Variants in CFAP54 observed in about 807,000 individuals in gnomAD.
CFAP54 encodes the protein cilia and flagella associated protein 54, also known as cilia- and flagella-associated protein 54.
Under a neutral mutation model 370.4 loss-of-function variants are expected in CFAP54, and 290 were observed. That is an observed-to-expected ratio of 0.78 (90% CI 0.71 to 0.86). The LOEUF (loss-of-function observed/expected upper bound fraction) is 0.86. Among genes scored for constraint, CFAP54 ranks in the 40% least tolerant of loss-of-function variants. The pLI is 0.00. For missense variants in CFAP54, 3,399 were observed against 3,528.7 expected (o/e 0.96, Z 0.93); for synonymous variants, 1,206 against 1,236.5 (o/e 0.98, Z 0.52).
At chr12:96,841,097 G>A (rs188882341) in intron 66 of CFAP54, among the ~76,000 whole-genome samples, 1 of 152,276 alleles carries the variant, frequency 6.6e-6, no homozygotes, top group Admixed American at 6.5e-5. Flanking sequence ...TTCCACTTTT[G>A]TTAGATGTGC....
chr12:96,597,871 G>T (rs1565908369), intron 25 of CFAP54, among the ~76,000 whole-genome samples: 1 of 151,888 alleles, frequency 6.6e-6, no homozygotes, highest in South Asian at 2.1e-4. Flanking sequence ...AACTACTAGG[G>T]TGTTCACATG....
chr12:96,873,019 T>C (rs1326323223), intron 67 of CFAP54, among the ~76,000 whole-genome samples: 1 of 152,218 alleles, frequency 6.6e-6, no homozygotes, highest in Non-Finnish European at 1.5e-5. Context: ...GTGGATTAAG[T>C]GACCCATTAC....
In CFAP54 at chr12:96,621,701, C is replaced by T. The variant is rs1773497385; in HGVS notation, c.3751C>T (p.Gln1251Ter). The T allele has an allele frequency of 6.6e-7, 1 of 1,523,150 alleles. No individual in the cohort carries two copies. The highest frequency in any genetic ancestry group is 1.4e-5 in the African/African-American group (1 of 72,658). The allele number at this position is 1,523,150 out of a possible 1,614,324, so 94.4% of individuals were successfully genotyped here. The change falls in exon 27 of 68, where the codon CAA (glutamine) becomes TAA (stop). Residue 1251 changes from glutamine (Q) to a stop codon, truncating the protein, a stop_gained. Coordinates refer to ENST00000524981, the MANE Select transcript of CFAP54 (RefSeq NM_001306084.2). LOFTEE classifies it high-confidence loss of function. ...CKSLFDGSNE[Q>*]EEMPEEDSSK... ...GTCTCTGTTTGATGGTAGTAATGAA[C>T]AAGAAGAAATGCCAGAGGAGGTAAT...
intron 30 of CFAP54, among the ~76,000 whole-genome samples, chr12:96,629,052 G>A (rs1283842738): frequency 6.6e-6 from 1 of 152,160 alleles, no homozygotes; most frequent in Non-Finnish European, 1.5e-5. Flanking sequence ...GCAGTGGCTG[G>A]GAGCTTGCAA....
In CFAP54 at chr12:96,554,859, A is replaced by G. The variant is rs1261038632; in HGVS notation, c.2410+57A>G. 4 of 1,369,442 alleles carry G rather than the reference A, an allele frequency of 2.9e-6. No individual in the cohort carries two copies. The African/African-American group carries it at 4.4e-5, about 15-fold the overall frequency. The allele number at this position is 1,369,442 out of a possible 1,614,324, so 84.8% of individuals were successfully genotyped here. A position where few individuals can be genotyped will look rare whatever the true frequency, so the allele number is the denominator to read the frequency against. ...AATCAATTTTAAGCCAGACTCCAGT[A>G]CAGAATCAATTTAATTTGAAAACTG... On this transcript the variant is annotated intron_variant, in intron 17 of 67. Coordinates refer to ENST00000524981, the MANE Select transcript of CFAP54 (RefSeq NM_001306084.2).
At chr12:96,493,704 A>G (rs1954913605) in intron 1 of CFAP54, among the ~76,000 whole-genome samples, 1 of 152,196 alleles carries the variant, frequency 6.6e-6, no homozygotes, top group Non-Finnish European at 1.5e-5. Context: ...AGGCCGAGGC[A>G]GGAGAATCAC....
At chr12:96,742,184 A>G (rs2136641879) in intron 51 of CFAP54, among the ~76,000 whole-genome samples, 1 of 152,360 alleles carries the variant, frequency 6.6e-6, no homozygotes, top group South Asian at 2.1e-4. Flanking sequence ...CTATTTTTCA[A>G]CAATGGGTAC....
intron 19 of CFAP54, among the ~76,000 whole-genome samples, chr12:96,571,527 A>G (rs553630201): frequency 6.6e-6 from 1 of 152,278 alleles, no homozygotes; most frequent in South Asian, 2.1e-4. Context: ...GTGAGGATAT[A>G]GTTATTTTTC....
chr12:96,559,122 A>C (rs905761240), intron 17 of CFAP54, among the ~76,000 whole-genome samples: 24 of 152,174 alleles, frequency 1.6e-4, no homozygotes, highest in African/African-American at 5.8e-4. Context: ...AGGCTGAGGC[A>C]GGAGAATAGC....
intron 26 of CFAP54, among the ~76,000 whole-genome samples, chr12:96,611,752 T>C (rs1221228795): frequency 6.6e-6 from 1 of 152,204 alleles, no homozygotes; most frequent in Non-Finnish European, 1.5e-5. Context: ...CAACCTTCAG[T>C]AGTCGATTTG....
At chr12:96,588,367 T>A (rs1386622824) in intron 22 of CFAP54, among the ~76,000 whole-genome samples, 2 of 152,212 alleles carry the variant, frequency 1.3e-5, no homozygotes, top group South Asian at 4.1e-4. Context: ...TCATGTCTCC[T>A]TTTCTAAAGC....
chr12:96,661,487 G>A (rs1193485484), intron 38 of CFAP54, among the ~76,000 whole-genome samples: 1 of 152,162 alleles, frequency 6.6e-6, no homozygotes, highest in Non-Finnish European at 1.5e-5. Context: ...CAGGCAGTCA[G>A]GATCATGAGC....
intron 48 of CFAP54, among the ~76,000 whole-genome samples, chr12:96,715,616 C>T (rs1179646529): frequency 6.6e-6 from 1 of 152,080 alleles, no homozygotes; most frequent in Non-Finnish European, 1.5e-5. Flanking sequence ...TTAAGGTCAT[C>T]ACTATTCACC....
chr12:96,546,452 G>T (rs1481424411), intron 14 of CFAP54, among the ~76,000 whole-genome samples: 1 of 152,138 alleles, frequency 6.6e-6, no homozygotes, highest in East Asian at 1.9e-4. Flanking sequence ...TTCTTAGCTT[G>T]TAGATTTAAA....
At chr12:96,725,308 G>A (rs1455314382) in intron 50 of CFAP54, among the ~76,000 whole-genome samples, 3 of 151,750 alleles carry the variant, frequency 2.0e-5, no homozygotes, top group Non-Finnish European at 4.4e-5. Context: ...CTACCCATGA[G>A]CATGGAATGT....
chr12:96,710,326 G>A (rs2371229), intron 48 of CFAP54, among the ~76,000 whole-genome samples: 117,719 of 152,162 alleles, frequency 0.77, 46,564 homozygotes, highest in African/African-American at 0.93. Context: ...GGGCAGTGCA[G>A]GGGAAACATG....
At chr12:96,684,934 G>C in intron 41 of CFAP54, 95 bp from the exon 42 acceptor site, 1 of 1,164,006 alleles carries the variant, frequency 8.6e-7, no homozygotes. Flanking sequence ...TATGTTAATT[G>C]ACGTTGCTTC....
chr12:96,793,318 T>A (rs1455740862), intron 63 of CFAP54, among the ~76,000 whole-genome samples: 1 of 152,226 alleles, frequency 6.6e-6, no homozygotes, highest in African/African-American at 2.4e-5. Flanking sequence ...TTACTTCACT[T>A]AGAATAATAG....
chr12:96,707,492 A>G (rs1217257478), intron 47 of CFAP54, among the ~76,000 whole-genome samples: 3 of 152,090 alleles, frequency 2.0e-5, no homozygotes, highest in African/African-American at 2.4e-5. Context: ...AAGGAGAGAA[A>G]CTGGAACTCT....
Sources: gnomAD v4.1 joint callset for allele counts (sites outside exome capture counted in the v4.1 genomes callset) on GRCh38, gnomAD v4.1.1 for gene constraint, MANE v1.5 for transcripts, NCBI Gene and HGNC (gene_info 2026-07-23, HGNC 2026-07-21) for gene names.